ZNF385B: variants seen among roughly 807,000 people sequenced by gnomAD.
ZNF385B encodes the protein zinc finger protein 385B.
In ZNF385B, 23 loss-of-function variants were observed where a neutral mutation model predicts 39.2. That is an observed-to-expected ratio of 0.59 (90% CI 0.42 to 0.83). The LOEUF (loss-of-function observed/expected upper bound fraction) is 0.83, where lower values mean the gene tolerates loss of function less well. Among genes scored for constraint, ZNF385B ranks in the 40% least tolerant of loss-of-function variants. The pLI is 0.00. For missense variants in ZNF385B, 552 were observed against 598.9 expected (o/e 0.92, Z 0.82); for synonymous variants, 205 against 222.6 (o/e 0.92, Z 0.70).
At chr2:179,562,740 T>C (rs1684071106) in intron 3 of ZNF385B, 1 of 236,016 alleles carries the variant, frequency 4.2e-6, no homozygotes, top group Non-Finnish European at 6.9e-6. Flanking sequence ...TACCACTCTG[T>C]CATAGTAAAA....
chr2:179,819,487 C>T (rs1707272865), intron 1 of ZNF385B, among the ~76,000 whole-genome samples: 1 of 152,156 alleles, frequency 6.6e-6, no homozygotes, highest in South Asian at 2.1e-4. Flanking sequence ...CTTCATAATC[C>T]AAAACTCTGG....
At chr2:179,468,926 C>T (rs943093907) in intron 6 of ZNF385B, among the ~76,000 whole-genome samples, 17 of 152,104 alleles carry the variant, frequency 1.1e-4, no homozygotes, top group Middle Eastern at 3.2e-3. Context: ...ACTGCCCAGG[C>T]ATAAGAAAGA....
chr2:179,709,613 A>G (rs926327090), intron 3 of ZNF385B, among the ~76,000 whole-genome samples: 2 of 152,198 alleles, frequency 1.3e-5, no homozygotes, highest in African/African-American at 4.8e-5. Context: ...TGGCTACATA[A>G]GATGACACTG....
chr2:179,464,702 T>C (rs951240517), intron 6 of ZNF385B, among the ~76,000 whole-genome samples: 1 of 152,186 alleles, frequency 6.6e-6, no homozygotes, highest in Non-Finnish European at 1.5e-5. Context: ...GTTCCATTAG[T>C]CTATATCTCT....
chr2:179,737,705 C>T (rs1701850306), intron 3 of ZNF385B, among the ~76,000 whole-genome samples: 1 of 152,170 alleles, frequency 6.6e-6, no homozygotes, highest in East Asian at 1.9e-4. Context: ...ATGTTCTCTC[C>T]ACTTGCTATG....
chr2:179,773,104 T>A (rs992526319), intron 1 of ZNF385B, among the ~76,000 whole-genome samples: 7 of 152,130 alleles, frequency 4.6e-5, no homozygotes, highest in African/African-American at 1.7e-4. Flanking sequence ...CGTCAGGAAA[T>A]TTTCCAATGT....
intron 1 of ZNF385B, among the ~76,000 whole-genome samples, chr2:179,851,653 T>C (rs1045862122): frequency 6.6e-6 from 1 of 152,202 alleles, no homozygotes; most frequent in South Asian, 2.1e-4. Flanking sequence ...TTTAAAATAA[T>C]CAATGATCAG....
intron 3 of ZNF385B, among the ~76,000 whole-genome samples, chr2:179,634,522 A>T (rs548646499): frequency 1.6e-4 from 25 of 152,354 alleles, no homozygotes; most frequent in African/African-American, 5.8e-4. Flanking sequence ...CACAGTAGTT[A>T]GAATAGTAAT....
chr2:179,780,320 T>C (rs183348944), intron 1 of ZNF385B, among the ~76,000 whole-genome samples: 2 of 152,280 alleles, frequency 1.3e-5, no homozygotes, highest in East Asian at 3.9e-4. Flanking sequence ...TCTCAGATCA[T>C]AGATGCTTCC....
At chr2:179,557,556 CATGTTATATATGTATGTTATAT>C (rs555875926) in intron 3 of ZNF385B, among the ~76,000 whole-genome samples, 1 of 103,854 alleles carries the variant, frequency 9.6e-6, no homozygotes, top group Non-Finnish European at 2.0e-5. Flanking sequence ...AACATATATA[CATGTTATATATGTATGTTATAT>C]ACATGTATAT....
intron 3 of ZNF385B, among the ~76,000 whole-genome samples, chr2:179,714,954 A>AAAC: frequency 6.6e-6 from 1 of 151,256 alleles, no homozygotes; most frequent in South Asian, 2.1e-4. Context: ...AAAAAAAAAA[A>AAAC]AAAAAAACAG....
intron 3 of ZNF385B, among the ~76,000 whole-genome samples, chr2:179,615,944 G>A (rs151015979): frequency 1.0e-3 from 158 of 152,202 alleles, no homozygotes; most frequent in African/African-American, 3.6e-3. Context: ...TGCAATGATC[G>A]CATATTCATT....
intron 3 of ZNF385B, among the ~76,000 whole-genome samples, chr2:179,693,232 A>G (rs1488144935): frequency 6.6e-6 from 1 of 152,222 alleles, no homozygotes; most frequent in Non-Finnish European, 1.5e-5. Flanking sequence ...ACACTCATTT[A>G]AAGAAGAGAG....
At chr2:179,789,374 A>T (rs1705192158) in intron 1 of ZNF385B, among the ~76,000 whole-genome samples, 1 of 152,220 alleles carries the variant, frequency 6.6e-6, no homozygotes, top group Non-Finnish European at 1.5e-5. Context: ...CCACTGAAAC[A>T]AATCTTAATA....
In ZNF385B at chr2:179,741,213, A is replaced by G. The variant is rs567263239; in HGVS notation, c.298+28290T>C. Among the ~76,000 whole-genome samples the G allele has an allele frequency of 2.2e-4, 34 of 152,138 alleles. 1 individual carries two copies. In the South Asian group the frequency reaches 6.8e-3, roughly 31 times the overall value. ...ACAGAAAGGTTAGGTTTAAGAAATT[A>G]CTCCAAATATGTTGTCCATATTATT... On this transcript the variant is annotated intron_variant, in intron 3 of 9. Coordinates refer to ENST00000410066, the MANE Select transcript of ZNF385B (RefSeq NM_152520.6).
At chr2:179,502,065 T>G (rs1297901969) in intron 5 of ZNF385B, among the ~76,000 whole-genome samples, 3 of 152,208 alleles carry the variant, frequency 2.0e-5, no homozygotes, top group Non-Finnish European at 4.4e-5. Context: ...GGTTTTGGAC[T>G]TGGGTGGTGC....
intron 3 of ZNF385B, among the ~76,000 whole-genome samples, chr2:179,681,232 A>T (rs993401773): frequency 1.3e-5 from 2 of 151,998 alleles, no homozygotes; most frequent in Non-Finnish European, 2.9e-5. Context: ...ATTTATTTTT[A>T]TTTTTTTCAC....
chr2:179,663,831 A>G (rs900042886), intron 3 of ZNF385B, among the ~76,000 whole-genome samples: 2 of 151,914 alleles, frequency 1.3e-5, no homozygotes, highest in Non-Finnish European at 2.9e-5. Context: ...GGGACTTTAC[A>G]TTCAGTTCTC....
chr2:179,517,022 CT>C (rs1396076338), intron 5 of ZNF385B, among the ~76,000 whole-genome samples: 3 of 151,836 alleles, frequency 2.0e-5, no homozygotes, highest in Admixed American at 6.6e-5. Context: ...ATTGAATTCA[CT>C]CTGCAACTTT....
Sources: gnomAD v4.1 joint callset for allele counts (sites outside exome capture counted in the v4.1 genomes callset) on GRCh38, gnomAD v4.1.1 for gene constraint, MANE v1.5 for transcripts, NCBI Gene and HGNC (gene_info 2026-07-23, HGNC 2026-07-21) for gene names.